PTGER3: variants seen among roughly 807,000 people sequenced by gnomAD.
PTGER3 encodes the protein prostaglandin E receptor 3.
Under a neutral mutation model 34.7 loss-of-function variants are expected in PTGER3, and 22 were observed. The observed-to-expected ratio is 0.63, with a 90% CI of 0.45 to 0.91. PTGER3 has a LOEUF of 0.91. PTGER3 is among the 40% of genes least tolerant of loss of function. The pLI, the probability that PTGER3 is intolerant of heterozygous loss-of-function variation, is 0.00. For synonymous variants in PTGER3, 241 were observed against 230.1 expected (o/e 1.05, Z -0.43); for missense variants, 468 against 519.4 (o/e 0.90, Z 0.96).
At chr1:70,881,302 T>C (rs1646385278) in intron 4 of PTGER3, among the ~76,000 whole-genome samples, 1 of 152,170 alleles carries the variant, frequency 6.6e-6, no homozygotes, top group African/African-American at 2.4e-5. Flanking sequence ...ATCTTTCATC[T>C]CCTGTATTGT....
At chr1:70,901,717 A>G (rs1177868147) in intron 4 of PTGER3, among the ~76,000 whole-genome samples, 1 of 152,196 alleles carries the variant, frequency 6.6e-6, no homozygotes, top group Non-Finnish European at 1.5e-5. Flanking sequence ...CTTTTGAAAA[A>G]TCATGAAGGC....
intron 4 of PTGER3, among the ~76,000 whole-genome samples, chr1:70,873,525 A>G (rs1572513711): frequency 6.6e-6 from 1 of 152,214 alleles, no homozygotes; most frequent in East Asian, 1.9e-4. Flanking sequence ...TATTTTCTAG[A>G]CTAAATTGTA....
At chr1:71,006,728 TGG>T (rs1410729506) in intron 2 of PTGER3, 1 of 985,138 alleles carries the variant, frequency 1.0e-6, no homozygotes, top group Non-Finnish European at 1.2e-6. Flanking sequence ...CCAGATAGCA[TGG>T]GGCTGTTGCA....
At chr1:71,005,847 A>G (rs1263549758) in intron 2 of PTGER3, 1 of 957,028 alleles carries the variant, frequency 1.0e-6, no homozygotes, top group Non-Finnish European at 1.2e-6. Flanking sequence ...AGCCATAGCC[A>G]TAGTAGTCAT....
At chr1:70,981,962 T>C (rs186179772) in intron 2 of PTGER3, among the ~76,000 whole-genome samples, 100 of 152,218 alleles carry the variant, frequency 6.6e-4, no homozygotes, top group African/African-American at 2.4e-3. Context: ...TTTTGACATA[T>C]GCACAGACTA....
chr1:70,986,818 A>G (rs1055958466), intron 2 of PTGER3, among the ~76,000 whole-genome samples: 1 of 152,212 alleles, frequency 6.6e-6, no homozygotes, highest in African/African-American at 2.4e-5. Flanking sequence ...TTTGCCTCAA[A>G]GAGACTGAAT....
intron 4 of PTGER3, among the ~76,000 whole-genome samples, chr1:70,912,991 A>G (rs1647093849): frequency 2.0e-5 from 3 of 151,882 alleles, no homozygotes; most frequent in Admixed American, 1.3e-4. Context: ...TAGCTTTTTG[A>G]CATTTTCTTA....
intron 2 of PTGER3, chr1:71,010,123 G>A (rs1657313852): frequency 2.0e-6 from 2 of 985,070 alleles, no homozygotes; most frequent in Non-Finnish European, 1.2e-6. Context: ...TTAAGAATAA[G>A]TGTCAGGTTT....
At chr1:71,003,653 T>G (rs1003495690) in intron 2 of PTGER3, among the ~76,000 whole-genome samples, 17 of 152,352 alleles carry the variant, frequency 1.1e-4, no homozygotes, top group Non-Finnish European at 2.1e-4. Context: ...AGAAAAATGA[T>G]TGCAGTTCCT....
chr1:70,985,759 A>C (rs1443124864), intron 2 of PTGER3, among the ~76,000 whole-genome samples: 1 of 152,114 alleles, frequency 6.6e-6, no homozygotes, highest in East Asian at 1.9e-4. Flanking sequence ...CTTTTGTCTT[A>C]AGTTTTCATT....
At chr1:70,912,254 A>G (rs1327370928) in intron 4 of PTGER3, among the ~76,000 whole-genome samples, 1 of 152,092 alleles carries the variant, frequency 6.6e-6, no homozygotes, top group South Asian at 2.1e-4. Context: ...TTTCTCCTCA[A>G]TCTAAAGCCT....
At chr1:70,894,109 A>G (rs1228450272) in intron 4 of PTGER3, among the ~76,000 whole-genome samples, 1 of 152,058 alleles carries the variant, frequency 6.6e-6, no homozygotes, top group African/African-American at 2.4e-5. Context: ...GGATTTCTAG[A>G]CCAGCCTGGC....
Position 70,990,314 on chromosome 1 carries a change from G to A in PTGER3, c.1078-15926C>T, listed in dbSNP as rs559122765. On this transcript the variant is annotated intron_variant, in intron 2 of 3. Transcript: ENST00000306666. ...GGAGCTTGCAGTGAGCTGAGATTGC[G>A]CCACTGCACTCCAGCCTGGGCGACA... 1.3e-3 allele frequency among the ~76,000 whole-genome samples: 195 copies of A among 148,562 alleles called. 2 individuals carry two copies. The highest frequency in any genetic ancestry group is 4.3e-3 in the African/African-American group (175 of 40,408).
At chr1:70,887,037 A>G (rs1430759916) in intron 4 of PTGER3, among the ~76,000 whole-genome samples, 1 of 152,232 alleles carries the variant, frequency 6.6e-6, no homozygotes, top group Non-Finnish European at 1.5e-5. Flanking sequence ...GGGATCAATA[A>G]TGAAACATCT....
At chr1:70,987,311 G>A (rs887991777) in intron 2 of PTGER3, among the ~76,000 whole-genome samples, 6 of 152,146 alleles carry the variant, frequency 3.9e-5, no homozygotes, top group East Asian at 3.9e-4. Flanking sequence ...CTGACAAAAC[G>A]TATAAGTTAT....
chr1:70,897,945 ACTT>A (rs1646756522), intron 4 of PTGER3, among the ~76,000 whole-genome samples: 1 of 152,106 alleles, frequency 6.6e-6, no homozygotes. Context: ...GAGCTATACT[ACTT>A]AATCTATTTG....
intron 2 of PTGER3, chr1:71,007,667 A>T: frequency 1.0e-6 from 1 of 985,434 alleles, no homozygotes; most frequent in South Asian, 4.7e-5. Flanking sequence ...AGTAAATCAC[A>T]CGCATTTCCC....
At chr1:71,037,796 C>T (rs1229857572) in intron 1 of PTGER3, among the ~76,000 whole-genome samples, 1 of 152,152 alleles carries the variant, frequency 6.6e-6, no homozygotes, top group East Asian at 1.9e-4. Context: ...CCATCCAGTG[C>T]CTTGTTCTCT....
chr1:71,028,020 T>G (rs1659086479), intron 1 of PTGER3, among the ~76,000 whole-genome samples: 1 of 152,156 alleles, frequency 6.6e-6, no homozygotes, highest in East Asian at 1.9e-4. Context: ...CCACCTTTAT[T>G]CTGTCAATTA....
Sources: gnomAD v4.1 joint callset for allele counts (sites outside exome capture counted in the v4.1 genomes callset) on GRCh38, gnomAD v4.1.1 for gene constraint, MANE v1.5 for transcripts, NCBI Gene and HGNC (gene_info 2026-07-23, HGNC 2026-07-21) for gene names.